The following PNCK variants were observed in gnomAD, a reference collection of about 807,000 sequenced individuals.
PNCK encodes pregnancy up-regulated nonubiquitous CaM kinase, also known as calcium/calmodulin-dependent protein kinase type 1B.
A neutral mutation model predicts 28.3 loss-of-function variants in PNCK; 21 were observed. The ratio of observed to expected loss-of-function variants is 0.74; its 90% CI spans 0.53 to 1.07. PNCK has a LOEUF of 1.07. PNCK is among the 50% of genes least tolerant of loss of function. The pLI is 0.00. For missense variants in PNCK, 250 were observed against 298.3 expected (o/e 0.84, Z 1.19); for synonymous variants, 136 against 125.2 (o/e 1.09, Z -0.58).
chrX:153,673,998 C>T (rs1371257922), upstream of PNCK: 2 of 1,169,271 alleles, frequency 1.7e-6, no homozygotes, highest in East Asian at 3.2e-5. Context: ...CTCGCTCGCG[C>T]CGCCTCCCGG....
intron 1 of PNCK, among the ~76,000 whole-genome samples, chrX:153,683,553 C>T (rs963682022): frequency 1.9e-4 from 21 of 110,960 alleles, no homozygotes; most frequent in African/African-American, 3.0e-4. Context: ...AAGCGATTTC[C>T]GGCTAACTTT....
intron 1 of PNCK, among the ~76,000 whole-genome samples, chrX:153,685,547 A>G (rs1284971343): frequency 8.9e-6 from 1 of 112,384 alleles, no homozygotes; most frequent in Non-Finnish European, 1.9e-5. Context: ...AACCTCCCTC[A>G]GGAGCCTCCT....
rs376958547 is a variant in PNCK, at chrX:153,671,118, A to G, written c.687T>C (p.Tyr229=). ...ELFSQILRAS[Y]EFDSPFWDDI... ...CATCCCAGAAAGGAGAGTCAAACTC[A>G]TAGCTGGCCCTCAGGATCTGGCTGA... Residue 229 remains tyrosine (Y), a synonymous_variant, in exon 8 of 12, where the codon TAT becomes TAC. Transcript: ENST00000340888. 2.2e-5 allele frequency: 27 copies of G among 1,210,327 alleles called. No homozygotes were observed. The African/African-American group carries it at 4.5e-4, about 20-fold the overall frequency.
chrX:153,680,043 T>C (rs186583437), intron 1 of PNCK, among the ~76,000 whole-genome samples: 94 of 110,487 alleles, frequency 8.5e-4, no homozygotes, highest in African/African-American at 2.8e-3. Context: ...CAGAGAGTGA[T>C]AGCACAACTC....
intron 1 of PNCK, among the ~76,000 whole-genome samples, chrX:153,680,550 AT>A (rs201273162): frequency 0.09 from 9,566 of 106,802 alleles, 1,067 homozygotes; most frequent in African/African-American, 0.31. Context: ...CCAGCCTCAG[AT>A]TTTTTTTTTA....
intron 2 of PNCK, 88 bp downstream of exon 2, chrX:153,672,921 G>C: frequency 9.7e-7 from 1 of 1,032,420 alleles, no homozygotes; most frequent in African/African-American, 1.9e-5. Flanking sequence ...ACACCCACTC[G>C]CGTAGTCACA....
intron 1 of PNCK, among the ~76,000 whole-genome samples, chrX:153,685,123 C>T (rs960974734): frequency 9.4e-6 from 1 of 106,684 alleles, no homozygotes; most frequent in Non-Finnish European, 1.9e-5. Context: ...GCAAGACAGG[C>T]GGAGGCTTGG....
chrX:153,687,482 C>T (rs1924709654), exon 1 of PNCK: 1 of 323,451 alleles, frequency 3.1e-6, no homozygotes, highest in African/African-American at 2.8e-5. Flanking sequence ...GAAGCTGTAG[C>T]CCCCAGTGGG....
upstream of PNCK, chrX:153,673,859 C>T (rs1323896757): frequency 1.3e-6 from 1 of 786,948 alleles, no homozygotes; most frequent in East Asian, 1.1e-4. Flanking sequence ...GGCCCCGCCC[C>T]CTCCGCGCAC....
In PNCK at chrX:153,671,724, G is replaced by A. The variant is rs12007936; in HGVS notation, c.415-52C>T. On this transcript the variant is annotated intron_variant, in intron 5 of 11. Coordinates refer to ENST00000340888, the MANE Select transcript of PNCK (RefSeq NM_001366977.1). ...GGCCAGTCAGTCCTGACGCGGTGCC[G>A]GTGCTGGGACAGGATGGGGACTAGG... 6,932 of 1,165,076 alleles carry A rather than the reference G, an allele frequency of 5.9e-3. 192 individuals are homozygous for A. In the African/African-American group the frequency reaches 0.088, roughly 15 times the overall value.
upstream of PNCK, among the ~76,000 whole-genome samples, chrX:153,678,291 A>G (rs1172837456): frequency 1.8e-5 from 2 of 109,721 alleles, no homozygotes; most frequent in East Asian, 5.8e-4. Flanking sequence ...CAAATCTACC[A>G]GAAATATGAA....
upstream of PNCK, among the ~76,000 whole-genome samples, chrX:153,678,934 T>A (rs2091382314): frequency 9.0e-6 from 1 of 110,576 alleles, no homozygotes; most frequent in African/African-American, 3.3e-5. Context: ...CTATGCAATA[T>A]GTATTTAAGA....
chrX:153,670,311 C>G (rs1346332392), intron 11 of PNCK, 139 bp downstream of exon 11: 2 of 914,840 alleles, frequency 2.2e-6, no homozygotes, highest in Non-Finnish European at 1.5e-6. Context: ...GGGGCCCTGG[C>G]TCCTCCCTCT....
intron 1 of PNCK, 155 bp from the exon 2 acceptor site, chrX:153,673,233 C>T (rs781921133): frequency 1.3e-5 from 16 of 1,193,451 alleles, no homozygotes; most frequent in South Asian, 1.3e-4. Flanking sequence ...CCCAGACGGA[C>T]GCCTCCCAGC....
chrX:153,684,941 G>A (rs889054311), intron 1 of PNCK, among the ~76,000 whole-genome samples: 3 of 98,997 alleles, frequency 3.0e-5, no homozygotes, highest in East Asian at 3.3e-4. Context: ...GGTAAGGGGA[G>A]GGTGCAGCTC....
intron 1 of PNCK, among the ~76,000 whole-genome samples, chrX:153,685,239 T>C (rs2091413771): frequency 9.0e-6 from 1 of 110,940 alleles, no homozygotes; most frequent in South Asian, 3.8e-4. Flanking sequence ...TGACGCGCCT[T>C]GACAAAGCCC....
At chrX:153,681,720 A>G (rs2091396347) in intron 1 of PNCK, among the ~76,000 whole-genome samples, 1 of 112,442 alleles carries the variant, frequency 8.9e-6, no homozygotes. Flanking sequence ...TGTTTGCAAT[A>G]ACTGATGTTG....
intron 3 of PNCK, 42 bp from the exon 4 acceptor site, chrX:153,672,242 G>A: frequency 8.7e-7 from 1 of 1,148,670 alleles, no homozygotes; most frequent in Non-Finnish European, 1.2e-6. Flanking sequence ...CAGAGTCAAG[G>A]GGTGCTCTGT....
At chrX:153,682,175 G>C (rs1197083779) in intron 1 of PNCK, among the ~76,000 whole-genome samples, 2 of 111,325 alleles carry the variant, frequency 1.8e-5, no homozygotes, top group African/African-American at 6.5e-5. Context: ...TTTTAGTAGG[G>C]ACAGGGTTTC....
Sources: gnomAD v4.1 joint callset for allele counts (sites outside exome capture counted in the v4.1 genomes callset) on GRCh38, gnomAD v4.1.1 for gene constraint, MANE v1.5 for transcripts, NCBI Gene and HGNC (gene_info 2026-07-23, HGNC 2026-07-21) for gene names.